The following NCK1 variants were observed in gnomAD, a reference collection of about 807,000 sequenced individuals.
NCK1 encodes SH2/SH3 adapter protein NCK1.
A neutral mutation model predicts 36.6 loss-of-function variants in NCK1; 19 were observed. That is an observed-to-expected ratio of 0.52 (90% confidence interval 0.36 to 0.76). The LOEUF is 0.76. Ranked by LOEUF, NCK1 falls within the 30% of genes least tolerant of loss-of-function variation. The pLI is 0.00. For missense variants in NCK1, 358 were observed against 445.6 expected (o/e 0.80, Z 1.77); for synonymous variants, 165 against 156.0 (o/e 1.06, Z -0.43).
At chr3:136,938,307 C>G (rs1409918261) in intron 2 of NCK1, among the ~76,000 whole-genome samples, 1 of 152,114 alleles carries the variant, frequency 6.6e-6, no homozygotes, top group Admixed American at 6.6e-5. Flanking sequence ...TACAAATGAT[C>G]CTTATTTTTC....
intron 2 of NCK1, among the ~76,000 whole-genome samples, chr3:136,933,415 A>G (rs1381500679): frequency 3.9e-5 from 6 of 152,232 alleles, no homozygotes; most frequent in African/African-American, 1.4e-4. Flanking sequence ...CAGCTGTCAT[A>G]TGAAGAAGGA....
intron 2 of NCK1, among the ~76,000 whole-genome samples, chr3:136,935,975 A>G (rs1196456864): frequency 6.6e-6 from 1 of 151,822 alleles, no homozygotes; most frequent in Non-Finnish European, 1.5e-5. Context: ...TTAGTATAAT[A>G]TCTTCAAGTT....
chr3:136,894,804 T>C (rs1939347768), intron 1 of NCK1, among the ~76,000 whole-genome samples: 1 of 152,228 alleles, frequency 6.6e-6, no homozygotes, highest in Non-Finnish European at 1.5e-5. Context: ...TCCTAAATTT[T>C]GCTAGATTTT....
chr3:136,936,427 T>G (rs1401150357), intron 2 of NCK1, among the ~76,000 whole-genome samples: 1 of 152,252 alleles, frequency 6.6e-6, no homozygotes, highest in Non-Finnish European at 1.5e-5. Flanking sequence ...TTCCATATTT[T>G]GGTTATTGTG....
At chr3:136,893,607 G>T (rs903802051) in intron 1 of NCK1, among the ~76,000 whole-genome samples, 1 of 152,136 alleles carries the variant, frequency 6.6e-6, no homozygotes, top group African/African-American at 2.4e-5. Context: ...TCTGCTGATT[G>T]TGTCTTTTGC....
chr3:136,900,404 T>G (rs1256666951), intron 1 of NCK1, among the ~76,000 whole-genome samples: 1 of 152,188 alleles, frequency 6.6e-6, no homozygotes, highest in African/African-American at 2.4e-5. Flanking sequence ...GTTTTGGTTG[T>G]TTGGGCTCCT....
rs1938465303 is a variant in NCK1, at chr3:136,867,163, T to TTTC, written c.-19+4810_-19+4811insTTC. ...TTCCTTCCTTCCTTCCTTCCTTCCT[T>TTTC]CCTTCCTTCCTTCCTTCTTTCTTTC... On this transcript the variant is annotated intron_variant, in intron 1 of 3. Coordinates refer to ENST00000481752, the MANE Select transcript of NCK1 (RefSeq NM_001291999.2). 3.1e-5 allele frequency among the ~76,000 whole-genome samples: 2 copies of TTTC among 64,476 alleles called. 1 individual carries two copies. The highest frequency in any genetic ancestry group is 2.1e-3 in the East Asian group (2 of 966). The allele number at this position is 64,476 out of a possible 152,430, so 42.3% of individuals were successfully genotyped here.
At chr3:136,917,234 T>TTTA (rs1939991738) in intron 1 of NCK1, among the ~76,000 whole-genome samples, 1 of 150,116 alleles carries the variant, frequency 6.7e-6, no homozygotes, top group Non-Finnish European at 1.5e-5. Context: ...ATTATGAGCT[T>TTTA]TTTTTTTTTT....
At chr3:136,921,400 G>T (rs1000429930) in intron 1 of NCK1, among the ~76,000 whole-genome samples, 2 of 152,166 alleles carry the variant, frequency 1.3e-5, no homozygotes, top group African/African-American at 4.8e-5. Context: ...AGGAACTGTG[G>T]GCAGTAGTTC....
At chr3:136,919,241 A>G (rs1249743253) in intron 1 of NCK1, among the ~76,000 whole-genome samples, 2 of 152,138 alleles carry the variant, frequency 1.3e-5, no homozygotes, top group African/African-American at 2.4e-5. Flanking sequence ...AGGGGGAGTG[A>G]TAGAACTGTT....
At chr3:136,895,419 A>G (rs996417352) in intron 1 of NCK1, among the ~76,000 whole-genome samples, 1 of 151,708 alleles carries the variant, frequency 6.6e-6, no homozygotes, top group Non-Finnish European at 1.5e-5. Context: ...AAAAATTGCC[A>G]TACCACCTTT....
chr3:136,938,456 A>G (rs147659917), intron 2 of NCK1, among the ~76,000 whole-genome samples: 12 of 152,248 alleles, frequency 7.9e-5, no homozygotes, highest in East Asian at 1.9e-4. Flanking sequence ...AGTTGAGGCA[A>G]TGTTCTTCCT....
chr3:136,917,917 C>T (rs1213479359), intron 1 of NCK1, among the ~76,000 whole-genome samples: 1 of 152,166 alleles, frequency 6.6e-6, no homozygotes, highest in Non-Finnish European at 1.5e-5. Flanking sequence ...GACCAGAATC[C>T]ATAGTCTCTA....
chr3:136,947,087 A>C (rs1389814873), intron 3 of NCK1: 1 of 152,170 alleles, frequency 6.6e-6, no homozygotes, highest in Non-Finnish European at 1.5e-5. Flanking sequence ...GTGTAATTGC[A>C]CAAAATTTTG....
At chr3:136,931,680 A>G (rs1194889753) in intron 2 of NCK1, among the ~76,000 whole-genome samples, 3 of 152,218 alleles carry the variant, frequency 2.0e-5, no homozygotes. Flanking sequence ...CAGAAATCAT[A>G]GGGTGAAAAA....
intron 2 of NCK1, among the ~76,000 whole-genome samples, chr3:136,941,279 C>T (rs563191067): frequency 3.3e-5 from 5 of 151,906 alleles, no homozygotes; most frequent in East Asian, 3.9e-4. Context: ...GTGCATGCCA[C>T]GATGCCTGGC....
intron 1 of NCK1, among the ~76,000 whole-genome samples, chr3:136,922,782 A>G (rs1202575378): frequency 2.0e-5 from 3 of 152,230 alleles, no homozygotes; most frequent in Non-Finnish European, 2.9e-5. Context: ...ATCTCACAAA[A>G]TTATACAAAC....
intron 1 of NCK1, among the ~76,000 whole-genome samples, chr3:136,921,402 C>G (rs1018220880): frequency 2.2e-4 from 34 of 152,132 alleles, no homozygotes; most frequent in African/African-American, 4.8e-5. Context: ...GAACTGTGGG[C>G]AGTAGTTCCA....
chr3:136,944,704 G>A (rs573217518), intron 2 of NCK1, among the ~76,000 whole-genome samples: 61 of 152,302 alleles, frequency 4.0e-4, no homozygotes, highest in Non-Finnish European at 6.8e-4. Flanking sequence ...CGAGAGTGAG[G>A]ATAATGAGAG....
Sources: gnomAD v4.1 joint callset for allele counts (sites outside exome capture counted in the v4.1 genomes callset) on GRCh38, gnomAD v4.1.1 for gene constraint, MANE v1.5 for transcripts, NCBI Gene and HGNC (gene_info 2026-07-23, HGNC 2026-07-21) for gene names.